The following TMPRSS15 variants were observed in gnomAD, a reference collection of about 807,000 sequenced individuals.
The protein encoded by TMPRSS15 is transmembrane serine protease 15, also known as enteropeptidase.
A neutral mutation model predicts 125.3 loss-of-function variants in TMPRSS15; 128 were observed. The observed-to-expected ratio is 1.02, with a 90% CI of 0.89 to 1.18. The LOEUF is 1.18. TMPRSS15 is among the 50% of genes most tolerant of loss of function. TMPRSS15 has a pLI of 0.00. For missense variants in TMPRSS15, 1,283 were observed against 1,212.7 expected, an observed-to-expected ratio of 1.06 and a Z score of -0.86; for synonymous variants, 446 against 423.2, an observed-to-expected ratio of 1.05 and a Z score of -0.66.
intron 21 of TMPRSS15, among the ~76,000 whole-genome samples, chr21:18,286,570 CT>C (rs1334166908): frequency 6.6e-6 from 1 of 152,198 alleles, no homozygotes; most frequent in Non-Finnish European, 1.5e-5. Context: ...TACTCCATAT[CT>C]GTGATCATTA....
At chr21:18,400,775 C>T (rs972549354) in intron 1 of TMPRSS15, among the ~76,000 whole-genome samples, 6 of 152,100 alleles carry the variant, frequency 3.9e-5, no homozygotes, top group Non-Finnish European at 7.4e-5. Context: ...AATAAACTAT[C>T]AAGAAAGTCA....
At chr21:18,381,867 A>T (rs1441786224) in intron 4 of TMPRSS15, among the ~76,000 whole-genome samples, 8 of 152,108 alleles carry the variant, frequency 5.3e-5, no homozygotes, top group Non-Finnish European at 1.2e-4. Flanking sequence ...AGGAGAAATA[A>T]CTAACAGGTG....
chr21:18,455,346 T>C (rs1327259580), intron 1 of TMPRSS15, among the ~76,000 whole-genome samples: 1 of 152,202 alleles, frequency 6.6e-6, no homozygotes, highest in East Asian at 1.9e-4. Flanking sequence ...TTTAATGTTC[T>C]GATAAAGCTC....
Position 18,413,310 on chromosome 21 carries a change from CTT to C in TMPRSS15, c.11-14983_11-14982del, listed in dbSNP as rs1235646777. ...TTTCTTTCTTTTCTTTCTTTTCTTTCTTTTCCTTCCTTCCTTCCTTCCTTCCT... is the reference window on the plus strand; with the variant it reads ...TTTCTTTCTTTTCTTTCTTTTCTTTCTTCCTTCCTTCCTTCCTTCCTTCCT... On this transcript the variant is annotated intron_variant, in intron 1 of 7. Coordinates refer to the TMPRSS15 transcript ENST00000422787. 2.9e-3 allele frequency among the ~76,000 whole-genome samples: 103 copies of C among 35,052 alleles called. 1 individual carries two copies. Among genetic ancestry groups the C allele is most frequent in the African/African-American group, 0.01 (80 of 7,742 alleles). The allele number at this position is 35,052 out of a possible 152,430, so 23.0% of individuals were successfully genotyped here. A position where few individuals can be genotyped will look rare whatever the true frequency, so the allele number is the denominator to read the frequency against.
chr21:18,450,226 T>C (rs1188845163), intron 1 of TMPRSS15, among the ~76,000 whole-genome samples: 1 of 152,182 alleles, frequency 6.6e-6, no homozygotes, highest in Non-Finnish European at 1.5e-5. Flanking sequence ...GTGGGAATTA[T>C]TCCAGATGAA....
At chr21:18,396,589 A>G (rs1387437114) in intron 3 of TMPRSS15, among the ~76,000 whole-genome samples, 1 of 151,964 alleles carries the variant, frequency 6.6e-6, no homozygotes, top group Non-Finnish European at 1.5e-5. Context: ...CTTGGCTAAC[A>G]TGGTGAAACA....
Position 18,403,682 on chromosome 21 carries a change from A to C in TMPRSS15, c.-60T>G, listed in dbSNP as rs1484862303. 3 of 1,604,626 alleles carry C rather than the reference A, an allele frequency of 1.9e-6. No homozygotes were observed. Among genetic ancestry groups the C allele is most frequent in the African/African-American group, 2.7e-5 (2 of 74,634 alleles). ...AAAGAGAATATAAATAATTCTACCA[A>C]CTGAAGAGAAAAATCTCTCAAATTT... On this transcript the variant is annotated 5_prime_UTR_variant, in exon 1 of 25. Transcript: ENST00000284885.
At chr21:18,465,055 A>T (rs1298600975) in intron 1 of TMPRSS15, among the ~76,000 whole-genome samples, 1 of 152,212 alleles carries the variant, frequency 6.6e-6, no homozygotes, top group Non-Finnish European at 1.5e-5. Flanking sequence ...CAAAAAGCTT[A>T]TCCACCATGA....
intron 9 of TMPRSS15, among the ~76,000 whole-genome samples, chr21:18,353,375 T>C (rs1290363539): frequency 1.3e-5 from 2 of 151,864 alleles, no homozygotes; most frequent in Non-Finnish European, 2.9e-5. Context: ...TTCTCTCTCC[T>C]GTTACTAAAT....
chr21:18,310,503 G>T (rs752676852), intron 18 of TMPRSS15, among the ~76,000 whole-genome samples: 1 of 151,718 alleles, frequency 6.6e-6, no homozygotes, highest in Non-Finnish European at 1.5e-5. Flanking sequence ...TTTAACCAAG[G>T]AGTTGAAAGA....
At chr21:18,273,114 G>A (rs1418650596) in intron 24 of TMPRSS15, among the ~76,000 whole-genome samples, 3 of 152,150 alleles carry the variant, frequency 2.0e-5, no homozygotes, top group African/African-American at 7.2e-5. Flanking sequence ...AATAGAATAT[G>A]GCTTGGAATG....
intron 18 of TMPRSS15, among the ~76,000 whole-genome samples, chr21:18,309,332 A>G (rs2052624260): frequency 6.6e-6 from 1 of 152,218 alleles, no homozygotes; most frequent in African/African-American, 2.4e-5. Flanking sequence ...GATATCATTC[A>G]GGACATAGGC....
At chr21:18,483,550 T>C (rs1342851031) in intron 1 of TMPRSS15, among the ~76,000 whole-genome samples, 3 of 151,848 alleles carry the variant, frequency 2.0e-5, no homozygotes, top group Non-Finnish European at 4.4e-5. Context: ...CCTGTAAAAT[T>C]CCTTTAGAAA....
intron 10 of TMPRSS15, among the ~76,000 whole-genome samples, chr21:18,350,229 A>C (rs13052606): frequency 0.11 from 17,009 of 152,186 alleles, 1,166 homozygotes; most frequent in South Asian, 0.17. Context: ...ACTGGGAAAT[A>C]ACTTATTCAA....
In TMPRSS15 at chr21:18,352,448, C is replaced by T. The variant is rs1043738980; in HGVS notation, c.1171+455G>A. 5.3e-5 allele frequency among the ~76,000 whole-genome samples: 8 copies of T among 151,932 alleles called. No individual in the cohort carries two copies. The South Asian group carries it at 8.3e-4, about 16-fold the overall frequency. On this transcript the variant is annotated intron_variant, in intron 10 of 24. Coordinates refer to ENST00000284885, the MANE Select transcript of TMPRSS15 (RefSeq NM_002772.3). ...GCTAAGGAATTCTTTAAAGGAACATCGGAGATAACAAACAAATTCAGCAGG... is the reference window on the plus strand; with the variant it reads ...GCTAAGGAATTCTTTAAAGGAACATTGGAGATAACAAACAAATTCAGCAGG...
chr21:18,364,003 T>C (rs1244826055), intron 7 of TMPRSS15, among the ~76,000 whole-genome samples: 1 of 152,134 alleles, frequency 6.6e-6, no homozygotes, highest in Admixed American at 6.5e-5. Context: ...CCTTGAACAA[T>C]GCCAAGTAAG....
At chr21:18,442,958 A>C (rs2076245846) in intron 1 of TMPRSS15, among the ~76,000 whole-genome samples, 1 of 152,222 alleles carries the variant, frequency 6.6e-6, no homozygotes, top group South Asian at 2.1e-4. Context: ...GGATAGATTA[A>C]GAACAGGTGA....
Position 18,312,982 on chromosome 21 carries a change from G to C in TMPRSS15, c.2128C>G (p.Gln710Glu). 1 of 1,613,818 alleles carries C rather than the reference G, an allele frequency of 6.2e-7. No homozygotes were observed. The highest frequency in any genetic ancestry group is 8.5e-7 in the Non-Finnish European group (1 of 1,179,796). ...HTACAENWTT[Q>E]ISNDVCQLLG... ...AGTTGACAAACATCATTTGAAATCT[G>C]GGTGGTCCAGTTCTCAGCACAAGCT... Residue 710 changes from glutamine to glutamate, a missense_variant, in exon 18 of 25, where the codon CAG (glutamine) becomes GAG (glutamate). Transcript: ENST00000284885.
chr21:18,441,575 C>A (rs1189932350), intron 1 of TMPRSS15, among the ~76,000 whole-genome samples: 3 of 143,468 alleles, frequency 2.1e-5, no homozygotes, highest in African/African-American at 7.9e-5. Flanking sequence ...CCACTGCACC[C>A]CAGCCTGGGT....
Sources: allele counts gnomAD v4.1 joint callset (sites outside exome capture counted in the v4.1 genomes callset), GRCh38; gene constraint gnomAD v4.1.1; transcripts MANE v1.5; gene names NCBI Gene and HGNC (gene_info 2026-07-23, HGNC 2026-07-21).